The following PIBF1 variants were observed in gnomAD, a reference collection of about 807,000 sequenced individuals.
The protein encoded by PIBF1 is progesterone-induced-blocking factor 1.
PIBF1 carries 90 observed loss-of-function variants against 112.5 expected under a neutral mutation model. The ratio of observed to expected loss-of-function variants is 0.80; its 90% confidence interval spans 0.67 to 0.95. PIBF1 has a LOEUF of 0.95. Among genes scored for constraint, PIBF1 ranks in the 40% least tolerant of loss-of-function variants. The pLI is 0.00. For synonymous variants in PIBF1, 301 were observed against 288.6 expected (o/e 1.04, Z -0.44); for missense variants, 915 against 852.3 (o/e 1.07, Z -0.92).
At chr13:72,947,042 C>T (rs1021895934) in intron 14 of PIBF1, among the ~76,000 whole-genome samples, 6 of 152,216 alleles carry the variant, frequency 3.9e-5, no homozygotes, top group Admixed American at 6.5e-5. Context: ...ATTTCCCTTC[C>T]GCACTGCCCT....
intron 16 of PIBF1, among the ~76,000 whole-genome samples, chr13:72,994,931 TA>T (rs1423044376): frequency 6.6e-6 from 1 of 152,216 alleles, no homozygotes; most frequent in Non-Finnish European, 1.5e-5. Flanking sequence ...TCAACTAGGA[TA>T]GGACAATTTA....
chr13:72,995,939 A>C (rs2043641469), intron 16 of PIBF1, among the ~76,000 whole-genome samples: 1 of 142,746 alleles, frequency 7.0e-6, no homozygotes, highest in Admixed American at 7.6e-5. Flanking sequence ...ACAGAGCGAG[A>C]CTCCATCTCA....
chr13:72,893,910 G>C lies in PIBF1; in HGVS notation c.1449G>C (p.Gln483His), dbSNP rs139029132. 1.2e-6 allele frequency: 2 copies of C among 1,607,438 alleles called. No homozygotes were observed. The highest frequency in any genetic ancestry group is 2.7e-5 in the African/African-American group (2 of 74,564). The change falls in exon 11 of 18, where the codon CAG becomes CAC. Residue 483 changes from glutamine (Q) to histidine (H), a missense_variant. Transcript: ENST00000326291. ...AGGAAACAGCAAGAAATCTCACACA[G>C]TGTCAATTGGAATGTGAAAAATATC... ...LQEETARNLT[Q>H]CQLECEKYQK...
chr13:72,972,585 A>AC (rs1444377829), intron 15 of PIBF1, among the ~76,000 whole-genome samples: 1 of 150,486 alleles, frequency 6.6e-6, no homozygotes, highest in Non-Finnish European at 1.5e-5. Flanking sequence ...AATGAGTTGA[A>AC]CCCAGGAGGC....
At chr13:72,866,382 G>C (rs1429000844) in intron 10 of PIBF1, among the ~76,000 whole-genome samples, 2 of 152,074 alleles carry the variant, frequency 1.3e-5, no homozygotes, top group Non-Finnish European at 2.9e-5. Context: ...ATTTACTTGA[G>C]TTCTTCAATA....
intron 2 of PIBF1, among the ~76,000 whole-genome samples, chr13:72,787,838 T>A (rs3782937): frequency 6.6e-6 from 1 of 151,818 alleles, no homozygotes; most frequent in African/African-American, 2.4e-5. Context: ...TTTGTATTTT[T>A]GGTAGAGATG....
chr13:72,927,966 T>TATATATACATATATATATACACAC (rs1555316891), intron 13 of PIBF1, among the ~76,000 whole-genome samples: 1 of 99,430 alleles, frequency 1.0e-5, no homozygotes, highest in African/African-American at 6.7e-5. Context: ...TATACACATA[T>TATATATACATATATATATACACAC]ATATATATAT....
At chr13:72,886,417 G>GTGTTATAAAGTTTTTATAACAC (rs2039855341) in intron 10 of PIBF1, among the ~76,000 whole-genome samples, 6 of 150,840 alleles carry the variant, frequency 4.0e-5, no homozygotes, top group Non-Finnish European at 5.9e-5. Context: ...ATCAGACCTA[G>GTGTTATAAAGTTTTTATAACAC]TGTTATAAAG....
intron 5 of PIBF1, among the ~76,000 whole-genome samples, chr13:72,818,710 A>G (rs1362745980): frequency 1.2e-5 from 1 of 80,112 alleles, no homozygotes; most frequent in African/African-American, 5.1e-5. Flanking sequence ...TGCCAGTATC[A>G]TCTAATTCCT....
intron 14 of PIBF1, among the ~76,000 whole-genome samples, chr13:72,952,349 C>T (rs9543181): frequency 0.11 from 16,735 of 152,018 alleles, 1,262 homozygotes; most frequent in Non-Finnish European, 0.17. Flanking sequence ...CCACCATGCC[C>T]GGCCCAGCTT....
At chr13:72,884,241 A>G (rs1566402956) in intron 10 of PIBF1, among the ~76,000 whole-genome samples, 2 of 152,190 alleles carry the variant, frequency 1.3e-5, no homozygotes, top group Non-Finnish European at 2.9e-5. Context: ...TTTCCTTCGT[A>G]TTGGTCTCTA....
At chr13:72,846,010 A>G (rs904766892) in intron 9 of PIBF1, among the ~76,000 whole-genome samples, 2 of 152,186 alleles carry the variant, frequency 1.3e-5, no homozygotes, top group African/African-American at 4.8e-5. Flanking sequence ...TTTAGCTTCC[A>G]TAGTGTCACA....
intron 17 of PIBF1, among the ~76,000 whole-genome samples, chr13:73,010,539 G>T (rs2044164405): frequency 6.6e-6 from 1 of 151,994 alleles, no homozygotes; most frequent in Non-Finnish European, 1.5e-5. Flanking sequence ...GGAGGCGGAG[G>T]TTGCAGTGGG....
chr13:72,815,779 C>T (rs903292708), intron 5 of PIBF1, among the ~76,000 whole-genome samples: 2 of 152,194 alleles, frequency 1.3e-5, no homozygotes, highest in African/African-American at 4.8e-5. Flanking sequence ...CATTCTCCCA[C>T]ATCAGCCGCT....
At chr13:72,840,358 TTGTG>T (rs1029715767) in intron 9 of PIBF1, among the ~76,000 whole-genome samples, 2 of 151,880 alleles carry the variant, frequency 1.3e-5, no homozygotes, top group Non-Finnish European at 2.9e-5. Flanking sequence ...ACATTTAAGG[TTGTG>T]TGTGTGTGTT....
chr13:72,941,293 C>T (rs2042001310), intron 14 of PIBF1, among the ~76,000 whole-genome samples: 1 of 152,084 alleles, frequency 6.6e-6, no homozygotes, highest in Non-Finnish European at 1.5e-5. Flanking sequence ...AAGAAACTGC[C>T]AAGTTTAGTT....
chr13:72,931,631 A>C (rs1455505315), intron 14 of PIBF1, among the ~76,000 whole-genome samples: 1 of 149,148 alleles, frequency 6.7e-6, no homozygotes, highest in Non-Finnish European at 1.5e-5. Flanking sequence ...ATGAGAAATC[A>C]CTCCTCTGTT....
intron 14 of PIBF1, among the ~76,000 whole-genome samples, chr13:72,946,790 G>T (rs1218857554): frequency 6.6e-6 from 1 of 152,226 alleles, no homozygotes; most frequent in East Asian, 1.9e-4. Context: ...CTCACATCCA[G>T]GTCACATTGA....
chr13:72,928,026 CATATATATATATAT>C (rs67144729), intron 13 of PIBF1, among the ~76,000 whole-genome samples: 2 of 118,632 alleles, frequency 1.7e-5, no homozygotes, highest in African/African-American at 7.2e-5. Flanking sequence ...CATATATATA[CATATATATATATAT>C]ATATACATAT....
Sources: gnomAD v4.1 joint callset for allele counts (sites outside exome capture counted in the v4.1 genomes callset) on GRCh38, gnomAD v4.1.1 for gene constraint, MANE v1.5 for transcripts, NCBI Gene and HGNC (gene_info 2026-07-23, HGNC 2026-07-21) for gene names.